The following GHR variants were observed in gnomAD, a reference collection of about 807,000 sequenced individuals.
The protein encoded by GHR is GH receptor.
In GHR, 35 loss-of-function variants were observed where a neutral mutation model predicts 67.1. That is an observed-to-expected ratio of 0.52 (90% CI 0.40 to 0.69). The LOEUF is 0.69. Ranked by LOEUF, GHR falls within the 30% of genes least tolerant of loss-of-function variation. GHR has a pLI of 0.00. For missense variants in GHR, 792 were observed against 764.6 expected (o/e 1.04, Z -0.42); for synonymous variants, 272 against 269.1 (o/e 1.01, Z -0.10).
chr5:42,605,348 C>T (rs756566008), intron 2 of GHR, among the ~76,000 whole-genome samples: 1 of 151,926 alleles, frequency 6.6e-6, no homozygotes, highest in Non-Finnish European at 1.5e-5. Context: ...TCAGGTGATC[C>T]GTCTGCCTCG....
Position 42,508,947 on chromosome 5 carries a change from A to T in GHR, c.-11-56917A>T, listed in dbSNP as rs139126127. On this transcript the variant is annotated intron_variant, in intron 1 of 9. Transcript: ENST00000230882. ...TGAATATTTTTAAAGGAAAAGAAAA[A>T]AGTTATCACACTATGTGATGAAATT... Among the ~76,000 whole-genome samples, 1,312 of 152,306 alleles carry T rather than the reference A, an allele frequency of 8.6e-3. 10 individuals are homozygous for T. Among genetic ancestry groups the T allele is most frequent in the Middle Eastern group, 0.017 (5 of 294 alleles).
chr5:42,677,376 C>T (rs1756622179), intron 3 of GHR, among the ~76,000 whole-genome samples: 2 of 152,110 alleles, frequency 1.3e-5, no homozygotes, highest in Admixed American at 1.3e-4. Context: ...AATTCTCTAC[C>T]CTTACGAGTG....
intron 2 of GHR, among the ~76,000 whole-genome samples, chr5:42,573,440 T>G (rs556802087): frequency 1.3e-4 from 20 of 152,190 alleles, no homozygotes; most frequent in African/African-American, 4.1e-4. Context: ...GCCTAAGTCT[T>G]GTCAACCTCT....
chr5:42,632,596 G>A (rs1753982276), intron 3 of GHR, among the ~76,000 whole-genome samples: 1 of 152,160 alleles, frequency 6.6e-6, no homozygotes. Context: ...TTGTGTTAGT[G>A]AGCACATGCT....
chr5:42,596,109 A>T (rs552537286), intron 2 of GHR, among the ~76,000 whole-genome samples: 18 of 152,348 alleles, frequency 1.2e-4, no homozygotes, highest in Non-Finnish European at 1.3e-4. Context: ...TACGAAGAAG[A>T]ATCTGTGAAT....
chr5:42,551,300 A>G (rs970403357), intron 1 of GHR, among the ~76,000 whole-genome samples: 2 of 152,236 alleles, frequency 1.3e-5, no homozygotes, highest in Non-Finnish European at 2.9e-5. Flanking sequence ...AAAGGTTAAA[A>G]AAAAACAATG....
rs189667974 is a variant in GHR at position 42,636,142 on chromosome 5, G to A, written c.136+7039G>A. Among the ~76,000 whole-genome samples the A allele has an allele frequency of 7.4e-3, 1,080 of 146,606 alleles. 11 individuals carry two copies. The highest frequency in any genetic ancestry group is 0.026 in the African/African-American group (1,020 of 39,376). ...GGAGAATGGCGTGAACCCGGGAGGC[G>A]GAGCTTGCAGTGAGCCGAGATCTCA... is the stretch of plus-strand genomic sequence containing the variant. On this transcript the variant is annotated intron_variant, in intron 3 of 9. Transcript: ENST00000230882.
intron 2 of GHR, among the ~76,000 whole-genome samples, chr5:42,584,731 C>T (rs1751378836): frequency 6.6e-6 from 1 of 151,908 alleles, no homozygotes; most frequent in Admixed American, 6.6e-5. Context: ...TATTGCATAT[C>T]ATTATTGCTG....
At chr5:42,670,033 T>A (rs539470339) in intron 3 of GHR, among the ~76,000 whole-genome samples, 2 of 152,278 alleles carry the variant, frequency 1.3e-5, no homozygotes, top group African/African-American at 2.4e-5. Flanking sequence ...ATAAAATTCA[T>A]ATGGAACCAC....
chr5:42,441,974 G>T (rs1743599324), intron 1 of GHR, among the ~76,000 whole-genome samples: 1 of 152,148 alleles, frequency 6.6e-6, no homozygotes, highest in African/African-American at 2.4e-5. Context: ...CACAGCAGGG[G>T]GAATTAGCTG....
In GHR at chr5:42,424,479, G is replaced by C; in HGVS notation, c.-12+524G>C. On this transcript the variant is annotated intron_variant, in intron 1 of 9. Coordinates refer to ENST00000230882, the MANE Select transcript of GHR (RefSeq NM_000163.5). This position sits in a 1 kb window ranked among gnomAD's most constrained non-coding sequence, Gnocchi z 4.1. ...AGAGACTGGGGAGGTCGAGCTGTGC[G>C]CGTGGACACAGCGCGCAGAGCGCGC... The C allele has an allele frequency of 4.5e-6, 4 of 882,574 alleles. No individual in the cohort carries two copies. The allele number at this position is 882,574 out of a possible 1,614,324, so 54.7% of individuals were successfully genotyped here. A position where few individuals can be genotyped will look rare whatever the true frequency, so the allele number is the denominator to read the frequency against.
At chr5:42,480,175 G>A (rs1745552771) in intron 1 of GHR, among the ~76,000 whole-genome samples, 1 of 152,168 alleles carries the variant, frequency 6.6e-6, no homozygotes, top group Non-Finnish European at 1.5e-5. Flanking sequence ...AGGTTGTTCA[G>A]TTTCCATGTA....
rs538716087 is a variant in GHR, at chr5:42,656,461, G to C, written c.136+27358G>C. On this transcript the variant is annotated intron_variant, in intron 3 of 9. Coordinates refer to ENST00000230882, the MANE Select transcript of GHR (RefSeq NM_000163.5). ...TTGTTAATGTTCTTTTCTGTCCTGT[G>C]AATCCTGATGTCGTATCTTGCAACA... is the stretch of plus-strand genomic sequence containing the variant. Among the ~76,000 whole-genome samples, 69 of 152,142 alleles carry C rather than the reference G, an allele frequency of 4.5e-4. 1 individual carries two copies. The highest frequency in any genetic ancestry group is 7.5e-4 in the Non-Finnish European group (51 of 67,980).
intron 2 of GHR, among the ~76,000 whole-genome samples, chr5:42,610,566 G>A (rs1478189114): frequency 1.3e-5 from 2 of 152,076 alleles, no homozygotes; most frequent in African/African-American, 4.8e-5. Context: ...AATTAGATGT[G>A]CAAGAGATTT....
At chr5:42,456,483 G>T (rs1041220046) in intron 1 of GHR, among the ~76,000 whole-genome samples, 17 of 152,032 alleles carry the variant, frequency 1.1e-4, no homozygotes, top group Non-Finnish European at 2.1e-4. Flanking sequence ...TCCAGGCATG[G>T]GTATAGTGCT....
At chr5:42,637,064 A>C (rs1195660926) in intron 3 of GHR, among the ~76,000 whole-genome samples, 3 of 152,270 alleles carry the variant, frequency 2.0e-5, no homozygotes, top group South Asian at 2.1e-4. Flanking sequence ...AGGTCAACAA[A>C]TATTTAAACC....
chr5:42,506,869 C>A (rs1357012193), intron 1 of GHR, among the ~76,000 whole-genome samples: 1 of 152,134 alleles, frequency 6.6e-6, no homozygotes, highest in African/African-American at 2.4e-5. Context: ...AGGATGTGGT[C>A]ATAAACAGTT....
At chr5:42,577,202 A>C (rs1750795525) in intron 2 of GHR, among the ~76,000 whole-genome samples, 4 of 152,216 alleles carry the variant, frequency 2.6e-5, no homozygotes, top group Non-Finnish European at 5.9e-5. Context: ...AATTGTTTTG[A>C]TCATACACAG....
At chr5:42,483,514 C>T (rs375662495) in intron 1 of GHR, among the ~76,000 whole-genome samples, 9 of 151,202 alleles carry the variant, frequency 6.0e-5, no homozygotes, top group African/African-American at 1.5e-4. Flanking sequence ...AAAAAAGAAC[C>T]GTGTGTTTCT....
Sources: gnomAD v4.1 joint callset for allele counts (sites outside exome capture counted in the v4.1 genomes callset) on GRCh38, gnomAD v4.1.1 for gene constraint, Gnocchi (gnomAD v3.1) non-coding constraint, MANE v1.5 for transcripts, NCBI Gene and HGNC (gene_info 2026-07-23, HGNC 2026-07-21) for gene names.